The following ABCB1 variants were observed in gnomAD, a reference collection of about 807,000 sequenced individuals.
ABCB1 encodes the protein ATP binding cassette subfamily B member 1.
In ABCB1, 69 loss-of-function variants were observed where a neutral mutation model predicts 142.0. The observed-to-expected ratio is 0.49, with a 90% confidence interval of 0.40 to 0.59. The LOEUF is 0.59. Ranked by LOEUF, ABCB1 falls within the 20% of genes least tolerant of loss-of-function variation. The pLI, the probability that ABCB1 is intolerant of heterozygous loss-of-function variation, is 0.00. For missense variants in ABCB1, 1,326 were observed against 1,554.7 expected (o/e 0.85, Z 2.47); for synonymous variants, 532 against 539.2 (o/e 0.99, Z 0.18).
intron 7 of ABCB1, among the ~76,000 whole-genome samples, chr7:87,564,891 AAG>A (rs1204071345): frequency 2.6e-5 from 4 of 152,242 alleles, no homozygotes; most frequent in African/African-American, 7.2e-5. Flanking sequence ...TACTGATGTG[AAG>A]AGTTTGCCAC....
rs28381745 is a variant in ABCB1, at chr7:87,678,193, A to G, written c.-331+34968T>C. 3.0e-3 allele frequency among the ~76,000 whole-genome samples: 455 copies of G among 152,294 alleles called. 2 individuals carry two copies. Among genetic ancestry groups the G allele is most frequent in the African/African-American group, 0.011 (439 of 41,558 alleles). ...GTCTTTCAATATGACTACTCAAGCAATCCTCCCATTTCAGCCTCTCAAAGT... is the reference window on the plus strand; with the variant it reads ...GTCTTTCAATATGACTACTCAAGCAGTCCTCCCATTTCAGCCTCTCAAAGT... On this transcript the variant is annotated intron_variant, in intron 1 of 28. Coordinates refer to the ABCB1 transcript ENST00000265724.
At chr7:87,533,262 A>G (rs1816141801) in intron 20 of ABCB1, among the ~76,000 whole-genome samples, 1 of 152,072 alleles carries the variant, frequency 6.6e-6, no homozygotes, top group Non-Finnish European at 1.5e-5. Flanking sequence ...TACAAGTTCT[A>G]CTCAGAGCTC....
At chr7:87,591,858 G>A (rs892989096) in intron 3 of ABCB1, among the ~76,000 whole-genome samples, 1 of 152,144 alleles carries the variant, frequency 6.6e-6, no homozygotes, top group Non-Finnish European at 1.5e-5. Context: ...CATCATCTCT[G>A]ACTCCTGTGA....
intron 26 of ABCB1, among the ~76,000 whole-genome samples, chr7:87,508,179 G>A (rs545506049): frequency 9.2e-5 from 14 of 152,238 alleles, no homozygotes; most frequent in Admixed American, 9.2e-4. Flanking sequence ...AATACAGGTT[G>A]AGCATCCATA....
intron 7 of ABCB1, chr7:87,565,423 C>CTGGG (rs1563055077): frequency 2.3e-6 from 1 of 443,908 alleles, no homozygotes; most frequent in Non-Finnish European, 4.5e-6. Flanking sequence ...TCACTGGAAA[C>CTGGG]GTGTGCTGGG....
At chr7:87,545,122 A>T in intron 15 of ABCB1, 123 bp from the exon 16 acceptor site, 1 of 845,408 alleles carries the variant, frequency 1.2e-6, no homozygotes, top group Non-Finnish European at 1.9e-6. Context: ...AAAAGGATAA[A>T]GCTAATCTGC....
At chr7:87,544,096 C>T in intron 17 of ABCB1, 33 bp downstream of exon 17, 1 of 1,612,800 alleles carries the variant, frequency 6.2e-7, no homozygotes. Flanking sequence ...TCAGGATTCA[C>T]AAGTAAATCA....
chr7:87,552,361 C>T (rs902584294), intron 9 of ABCB1, among the ~76,000 whole-genome samples: 16 of 152,248 alleles, frequency 1.1e-4, no homozygotes, highest in Middle Eastern at 6.8e-3. Flanking sequence ...CCTCAAAACA[C>T]GCTGAAAGTT....
intron 1 of ABCB1, among the ~76,000 whole-genome samples, chr7:87,692,082 C>T (rs2130649631): frequency 6.6e-6 from 1 of 152,168 alleles, no homozygotes; most frequent in Admixed American, 6.5e-5. Context: ...AGAAAATTTT[C>T]CCATGGTCTT....
rs74718662 is a variant in ABCB1 at position 87,673,099 on chromosome 7, G to A, written c.-331+40062C>T. On this transcript the variant is annotated intron_variant, in intron 1 of 28. Transcript: ENST00000265724. The stretch of plus-strand genomic sequence containing the variant: ...TGAAAGGTTTGCTGTTTGCCTGATC[G>A]GGTTCCCTTTGTAGGTGACCTTCCC... Among the ~76,000 whole-genome samples, 374 of 152,246 alleles carry A rather than the reference G, an allele frequency of 2.5e-3. 1 individual carries two copies. Among genetic ancestry groups the A allele is most frequent in the African/African-American group, 8.3e-3 (345 of 41,532 alleles).
chr7:87,639,768 T>A (rs1247652147), intron 1 of ABCB1, among the ~76,000 whole-genome samples: 2 of 152,078 alleles, frequency 1.3e-5, no homozygotes, highest in East Asian at 3.9e-4. Flanking sequence ...TTACTTTTGC[T>A]CTTTCTGGGC....
At chr7:87,710,574 G>A in intron 1 of ABCB1, 1 of 1,564,294 alleles carries the variant, frequency 6.4e-7, no homozygotes, top group East Asian at 2.3e-5. Context: ...TTTTAGGGTA[G>A]AGCCTGGATC....
chr7:87,528,036 G>A (rs1432919176), intron 21 of ABCB1, among the ~76,000 whole-genome samples: 2 of 152,156 alleles, frequency 1.3e-5, no homozygotes, highest in Non-Finnish European at 2.9e-5. Context: ...GACAGCATAT[G>A]CAGGGGAACT....
chr7:87,585,788 A>C, intron 3 of ABCB1, 108 bp from the exon 4 acceptor site: 1 of 1,163,498 alleles, frequency 8.6e-7, no homozygotes, highest in Non-Finnish European at 1.2e-6. Context: ...TCAGACTACT[A>C]CTGATACCAA....
chr7:87,685,681 G>C (rs1827388987), intron 1 of ABCB1, among the ~76,000 whole-genome samples: 1 of 152,066 alleles, frequency 6.6e-6, no homozygotes, highest in African/African-American at 2.4e-5. Flanking sequence ...AAGGTTGCAG[G>C]GTGGGGGTTG....
Position 87,570,186 on chromosome 7 carries a change from C to T in ABCB1, c.324G>A (p.Glu108=). The stretch of plus-strand genomic sequence containing the variant: ...TGTCTAATTACCTGGTCATGTCTTC[C>T]TCCAGATTCATGAAGAACCCTGTAT... ...INDTGFFMNL[E]EDMTRYAYYY... Residue 108 remains glutamate (E), a synonymous_variant, in exon 5 of 28, where the codon GAG becomes GAA. Coordinates refer to ENST00000622132, the MANE Select transcript of ABCB1 (RefSeq NM_001348946.2). 5 of 1,612,938 alleles carry T rather than the reference C, an allele frequency of 3.1e-6. No individual in the cohort carries two copies. Among genetic ancestry groups the T allele is most frequent in the South Asian group, 1.1e-5 (1 of 91,058 alleles).
chr7:87,653,017 C>T (rs1267816204), intron 1 of ABCB1, among the ~76,000 whole-genome samples: 1 of 151,960 alleles, frequency 6.6e-6, no homozygotes, highest in Non-Finnish European at 1.5e-5. Context: ...TGTGCTGATA[C>T]AGGCAAAGTG....
intron 1 of ABCB1, among the ~76,000 whole-genome samples, chr7:87,622,782 C>T (rs1463742457): frequency 6.6e-6 from 1 of 151,846 alleles, no homozygotes; most frequent in African/African-American, 2.4e-5. Context: ...CTGTAATCCC[C>T]ACACTTGAGG....
intron 18 of ABCB1, among the ~76,000 whole-genome samples, chr7:87,540,401 C>T (rs959121673): frequency 6.6e-6 from 1 of 152,134 alleles, no homozygotes; most frequent in African/African-American, 2.4e-5. Flanking sequence ...GCACTTGAAC[C>T]AAAACCAATA....
Sources: gnomAD v4.1 joint callset for allele counts (sites outside exome capture counted in the v4.1 genomes callset) on GRCh38, gnomAD v4.1.1 for gene constraint, MANE v1.5 for transcripts, NCBI Gene and HGNC (gene_info 2026-07-23, HGNC 2026-07-21) for gene names.